Variants in ORC2 observed in about 807,000 individuals in gnomAD.
ORC2 encodes origin recognition complex protein 2 homolog.
In ORC2, 37 loss-of-function variants were observed where a neutral mutation model predicts 77.7. The ratio of observed to expected loss-of-function variants is 0.48; its 90% CI spans 0.37 to 0.63. ORC2 has a LOEUF of 0.63. Among genes scored for constraint, ORC2 ranks in the 20% least tolerant of loss-of-function variants. The pLI, the probability that ORC2 is intolerant of heterozygous loss-of-function variation, is 0.00. For missense variants in ORC2, 557 were observed against 661.9 expected, an observed-to-expected ratio of 0.84 and a Z score of 1.74; for synonymous variants, 201 against 229.5, an observed-to-expected ratio of 0.88 and a Z score of 1.12.
At chr2:200,956,913 C>T (rs1334861263) in intron 4 of ORC2, among the ~76,000 whole-genome samples, 1 of 152,110 alleles carries the variant, frequency 6.6e-6, no homozygotes, top group Admixed American at 6.5e-5. Flanking sequence ...AACACAGGAA[C>T]AGAAAACCAC....
intron 1 of ORC2, among the ~76,000 whole-genome samples, chr2:200,962,201 C>CT (rs2041588669): frequency 6.6e-6 from 1 of 152,186 alleles, no homozygotes; most frequent in African/African-American, 2.4e-5. Flanking sequence ...AACAAAAAAA[C>CT]CTAACAATCA....
In ORC2 at chr2:200,939,253, T is replaced by A. The variant is rs546396626; in HGVS notation, c.454-1287A>T. Among the ~76,000 whole-genome samples the A allele has an allele frequency of 2.2e-3, 337 of 152,316 alleles. 2 individuals carry two copies. Among genetic ancestry groups the A allele is most frequent in the African/African-American group, 7.8e-3 (324 of 41,564 alleles). On this transcript the variant is annotated intron_variant, in intron 7 of 17. Transcript: ENST00000234296. The stretch of plus-strand genomic sequence containing the variant: ...CTTCATTTGTTAAAAATGCAGTTTA[T>A]GTCCTATTAAACTGATTTCAAGATT...
Position 200,931,397 on chromosome 2 carries a change from G to C in ORC2, c.859C>G (p.Leu287Val). ...SKVSPSFSAE[L>V]KQLNQQYEKL... ...TCATACTGTTGATTTAGTTGTTTAA[G>C]TTCGGCAGAAAAGGAAGGGGAAACC... The change falls in exon 11 of 18, where the codon CTT (leucine) becomes GTT (valine). Residue 287 changes from leucine to valine, a missense_variant. Leu to Val is a conservative substitution (Grantham distance 32). Transcript: ENST00000234296. The C allele has an allele frequency of 6.5e-7, 1 of 1,539,482 alleles. No individual in the cohort carries two copies. Among genetic ancestry groups the C allele is most frequent in the Non-Finnish European group, 8.7e-7 (1 of 1,150,298 alleles).
chr2:200,943,667 TA>T (rs887086231), intron 5 of ORC2, among the ~76,000 whole-genome samples: 2 of 152,164 alleles, frequency 1.3e-5, no homozygotes, highest in Non-Finnish European at 2.9e-5. Context: ...TACTGGCTCC[TA>T]AACCTTTCTA....
intron 13 of ORC2, among the ~76,000 whole-genome samples, chr2:200,924,759 T>C (rs2040815670): frequency 6.6e-6 from 1 of 152,120 alleles, no homozygotes; most frequent in Non-Finnish European, 1.5e-5. Flanking sequence ...AATAATGTTT[T>C]ATTTATTTAT....
chr2:200,916,526 C>T (rs935619838), intron 15 of ORC2, among the ~76,000 whole-genome samples: 5 of 151,868 alleles, frequency 3.3e-5, no homozygotes, highest in Non-Finnish European at 5.9e-5. Context: ...CCATATTTAA[C>T]GTTTTGAGTT....
chr2:200,933,341 T>C (rs758570947), intron 10 of ORC2, among the ~76,000 whole-genome samples: 17 of 151,666 alleles, frequency 1.1e-4, no homozygotes, highest in South Asian at 4.2e-4. Context: ...GAATATCCTC[T>C]ACTTTGTGCA....
At chr2:200,911,470 G>A in intron 17 of ORC2, 83 bp from the exon 18 acceptor site, 1 of 715,300 alleles carries the variant, frequency 1.4e-6, no homozygotes, top group Non-Finnish European at 2.3e-6. Context: ...AAGAAAAAAT[G>A]AATTTATTTC....
At position 200,909,675 on chromosome 2, in the gene ORC2, T is replaced by G. The variant is rs1575144122; in HGVS notation, c.*1626A>C. ...TAGATCACGCCACTGCACTCTAGAC[T>G]GGATGACAGTGCAATTCCATCTAAA... On this transcript the variant is annotated 3_prime_UTR_variant, in exon 18 of 18. Coordinates refer to ENST00000234296, the MANE Select transcript of ORC2 (RefSeq NM_006190.5). 5 of 130,778 alleles carry G rather than the reference T, an allele frequency of 3.8e-5. No individual in the cohort carries two copies. The South Asian group carries it at 1.2e-3, about 30-fold the overall frequency. The allele number at this position is 130,778 out of a possible 1,614,324, so 8.1% of individuals were successfully genotyped here.
chr2:200,949,417 C>T (rs967092437), intron 5 of ORC2, 137 bp downstream of exon 5: 3 of 594,626 alleles, frequency 5.0e-6, no homozygotes, highest in Non-Finnish European at 6.1e-6. Context: ...TAGGGAACGT[C>T]TCATTATTCC....
intron 7 of ORC2, 99 bp from the exon 8 acceptor site, chr2:200,938,065 T>C (rs954976573): frequency 2.8e-6 from 2 of 711,268 alleles, no homozygotes; most frequent in East Asian, 2.6e-5. Flanking sequence ...TTGCTTTCAA[T>C]AGACTGCATT....
intron 8 of ORC2, among the ~76,000 whole-genome samples, chr2:200,936,433 G>A (rs1015615405): frequency 1.3e-5 from 2 of 152,166 alleles, no homozygotes; most frequent in Non-Finnish European, 2.9e-5. Context: ...TATACCCATC[G>A]TTTAAAGCTA....
At chr2:200,947,419 AC>A (rs796911062) in intron 5 of ORC2, among the ~76,000 whole-genome samples, 34 of 152,300 alleles carry the variant, frequency 2.2e-4, no homozygotes, top group African/African-American at 7.7e-4. Flanking sequence ...TCAACATTTA[AC>A]ATATTTTATT....
In ORC2 at chr2:200,914,466, C is replaced by A. The variant is rs17435752; in HGVS notation, c.1467-474G>T. On this transcript the variant is annotated intron_variant, in intron 15 of 17. Coordinates refer to ENST00000234296, the MANE Select transcript of ORC2 (RefSeq NM_006190.5). ...CAGGCGTGAGCCACTGTACCCGGCC[C>A]GCTTTTTTATTTCTTCTAAAGAAAA... Among the ~76,000 whole-genome samples, 4 of 152,078 alleles carry A rather than the reference C, an allele frequency of 2.6e-5. No homozygotes were observed. In the South Asian group the frequency reaches 8.3e-4, roughly 31 times the overall value.
Position 200,937,929 on chromosome 2 carries a change from C to A in ORC2, c.491G>T (p.Arg164Leu). 1 of 1,600,820 alleles carries A rather than the reference C, an allele frequency of 6.2e-7. No homozygotes were observed. Among genetic ancestry groups the A allele is most frequent in the Non-Finnish European group, 8.5e-7 (1 of 1,171,816 alleles). Residue 164 changes from arginine (R) to leucine (L), a missense_variant, in exon 8 of 18, where the codon CGT becomes CTT. Arg to Leu is a moderately radical substitution (Grantham distance 102). Coordinates refer to ENST00000234296, the MANE Select transcript of ORC2 (RefSeq NM_006190.5). ...ACCTATTAATCTTTTTCTTAGACTA[C>A]GAGGTGCTGTTGACAGAAATTCACT... ...DKSEFLSTAP[R>L]SLRKRLIVPR...
At chr2:200,919,023 G>A (rs2040710675) in intron 15 of ORC2, among the ~76,000 whole-genome samples, 1 of 152,078 alleles carries the variant, frequency 6.6e-6, no homozygotes, top group Non-Finnish European at 1.5e-5. Context: ...TAGAGATGTA[G>A]TCTCCCTATG....
chr2:200,935,975 C>T (rs2041039476), intron 8 of ORC2, 83 bp from the exon 9 acceptor site: 1 of 1,135,986 alleles, frequency 8.8e-7, no homozygotes, highest in South Asian at 1.6e-5. Flanking sequence ...AGTGGGGGCT[C>T]TGTAGTAAGA....
At chr2:200,927,468 G>A (rs1272656471) in intron 11 of ORC2, among the ~76,000 whole-genome samples, 5 of 151,256 alleles carry the variant, frequency 3.3e-5, no homozygotes, top group Non-Finnish European at 7.4e-5. Flanking sequence ...GCCGAGGTGG[G>A]CGGATCACGA....
chr2:200,922,617 G>A (rs1056075990), intron 13 of ORC2, among the ~76,000 whole-genome samples: 4 of 151,704 alleles, frequency 2.6e-5, no homozygotes, highest in Middle Eastern at 3.4e-3. Context: ...GGGTAAGAGA[G>A]ACAATACAGT....
Sources: allele counts gnomAD v4.1 joint callset (sites outside exome capture counted in the v4.1 genomes callset), GRCh38; gene constraint gnomAD v4.1.1; transcripts MANE v1.5; gene names NCBI Gene and HGNC (gene_info 2026-07-23, HGNC 2026-07-21).